EGLN1: variants seen among roughly 807,000 people sequenced by gnomAD.
EGLN1 encodes egl-9 family hypoxia inducible factor 1.
A neutral mutation model predicts 38.3 loss-of-function variants in EGLN1; 17 were observed. The observed-to-expected ratio is 0.44, with a 90% CI of 0.30 to 0.67. EGLN1 has a LOEUF of 0.67. EGLN1 is among the 30% of genes least tolerant of loss of function. The pLI is 0.08. For synonymous variants in EGLN1, 283 were observed against 257.5 expected, an observed-to-expected ratio of 1.10 and a Z score of -0.95; for missense variants, 477 against 603.3, an observed-to-expected ratio of 0.79 and a Z score of 2.19.
intron 1 of EGLN1, among the ~76,000 whole-genome samples, chr1:231,398,525 T>C (rs1688587892): frequency 6.6e-6 from 1 of 152,204 alleles, no homozygotes; most frequent in East Asian, 1.9e-4. Context: ...TGGTCACGTA[T>C]TTCTATGGCT....
chr1:231,373,961 G>T lies in EGLN1; in HGVS notation c.1011+19C>A. On this transcript the variant is annotated intron_variant, in intron 2 of 4. Transcript: ENST00000366641. ...AGACACCTGTAAGAAAAAAATAAAT[G>T]CTCAATTAAGTTGCATACCTTGGCA... 1.9e-6 allele frequency: 3 copies of T among 1,612,828 alleles called. No homozygotes were observed. Among genetic ancestry groups the T allele is most frequent in the Non-Finnish European group, 2.5e-6 (3 of 1,179,208 alleles).
At chr1:231,384,729 T>C (rs767313191) in intron 1 of EGLN1, among the ~76,000 whole-genome samples, 1 of 152,330 alleles carries the variant, frequency 6.6e-6, no homozygotes, top group African/African-American at 2.4e-5. Context: ...GGTAGTCTGG[T>C]TGCCATGTAG....
At chr1:231,389,674 T>C (rs1255151708) in intron 1 of EGLN1, among the ~76,000 whole-genome samples, 4 of 151,796 alleles carry the variant, frequency 2.6e-5, no homozygotes, top group Admixed American at 2.0e-4. Context: ...TCTGACCGGG[T>C]GCGGTGGCTC....
intron 1 of EGLN1, among the ~76,000 whole-genome samples, chr1:231,379,812 T>C (rs1470682328): frequency 6.6e-6 from 1 of 152,196 alleles, no homozygotes; most frequent in Non-Finnish European, 1.5e-5. Flanking sequence ...TTATCCCTCA[T>C]CAACATTATA....
chr1:231,397,906 T>C (rs889355024), intron 1 of EGLN1, among the ~76,000 whole-genome samples: 2 of 152,106 alleles, frequency 1.3e-5, no homozygotes, highest in Non-Finnish European at 2.9e-5. Flanking sequence ...GGAATACTAC[T>C]ACACAGAGGT....
intron 1 of EGLN1, among the ~76,000 whole-genome samples, chr1:231,403,769 A>G (rs1212021182): frequency 7.0e-6 from 1 of 142,026 alleles, no homozygotes; most frequent in African/African-American, 2.7e-5. Context: ...CTCCATCTCA[A>G]AAAAAAAAAA....
At chr1:231,373,078 T>A (rs906461748) in intron 2 of EGLN1, among the ~76,000 whole-genome samples, 11 of 152,284 alleles carry the variant, frequency 7.2e-5, no homozygotes, top group African/African-American at 9.6e-5. Context: ...ACATATTTTT[T>A]AAAAATCATT....
rs533584823 is a variant in EGLN1, at chr1:231,422,267, T to C, written c.-379A>G. On this transcript the variant is annotated 5_prime_UTR_variant, in exon 1 of 5. An upstream start codon of the reference 5' UTR is lost. Transcript: ENST00000366641. ...CCAGGCTGTGGAGGAGCGCAGGGCA[T>C]ACGGGCGCCACTCGCTCTGCGCGCT... The C allele has an allele frequency of 7.7e-5, 12 of 156,766 alleles. No individual in the cohort carries two copies. The South Asian group carries it at 2.2e-3, about 28-fold the overall frequency. The allele number at this position is 156,766 out of a possible 1,614,324, so 9.7% of individuals were successfully genotyped here.
intron 1 of EGLN1, among the ~76,000 whole-genome samples, chr1:231,396,400 C>T (rs920775164): frequency 4.6e-5 from 7 of 151,950 alleles, no homozygotes; most frequent in Admixed American, 1.3e-4. Flanking sequence ...ACCACAGGCA[C>T]GCGCCACCAA....
intron 3 of EGLN1, among the ~76,000 whole-genome samples, chr1:231,368,045 G>A (rs1212609961): frequency 3.9e-5 from 6 of 152,048 alleles, no homozygotes; most frequent in Non-Finnish European, 7.4e-5. Flanking sequence ...AAAATTAGCC[G>A]TGCATGGTGG....
At chr1:231,400,883 C>T (rs1238164380) in intron 1 of EGLN1, among the ~76,000 whole-genome samples, 1 of 152,014 alleles carries the variant, frequency 6.6e-6, no homozygotes, top group African/African-American at 2.4e-5. Context: ...AACCCCATCT[C>T]TACAAATAAT....
chr1:231,373,690 GTGTGTGTGTGTGTA>G (rs753819599), intron 2 of EGLN1, among the ~76,000 whole-genome samples: 80,607 of 148,246 alleles, frequency 0.54, 23,148 homozygotes, highest in Non-Finnish European at 0.65. Flanking sequence ...GTGTGTGTGT[GTGTGTGTGTGTGTA>G]TGTGTGTGTG....
intron 1 of EGLN1, among the ~76,000 whole-genome samples, chr1:231,395,407 A>G (rs1688496933): frequency 2.9e-5 from 3 of 102,464 alleles, no homozygotes; most frequent in Middle Eastern, 5.5e-3. Flanking sequence ...TCCGTTAAGC[A>G]GTAAGAGCCA....
intron 1 of EGLN1, among the ~76,000 whole-genome samples, chr1:231,394,545 A>AT (rs59597792): frequency 0.026 from 3,727 of 141,346 alleles, 62 homozygotes; most frequent in East Asian, 0.052. Flanking sequence ...CGCCCGACTA[A>AT]TTTTTTTTTT....
At chr1:231,407,110 C>T (rs508840) in intron 1 of EGLN1, among the ~76,000 whole-genome samples, 22,686 of 152,060 alleles carry the variant, frequency 0.15, 2,072 homozygotes, top group African/African-American at 0.24. Flanking sequence ...GGTCAAACTG[C>T]CATTTTTGTT....
rs1656638260 is a variant in EGLN1, at chr1:231,421,871, G to A, written c.18C>T (p.Gly6=). 6.7e-7 allele frequency: 1 copy of A among 1,499,304 alleles called. No individual in the cohort carries two copies. The highest frequency in any genetic ancestry group is 1.3e-5 in the South Asian group (1 of 79,888). The allele number at this position is 1,499,304 out of a possible 1,614,324, so 92.9% of individuals were successfully genotyped here. A position where few individuals can be genotyped will look rare whatever the true frequency, so the allele number is the denominator to read the frequency against. ...CGCTCGGGCTCGGCCCGCCGGGCCC[G>A]CCGCTGTCATTGGCCATGGCGGCGG... MANDS[G]GPGGPSPSER... Residue 6 remains glycine (G), a synonymous_variant, in exon 1 of 5, where the codon GGC becomes GGT. Coordinates refer to ENST00000366641, the MANE Select transcript of EGLN1 (RefSeq NM_022051.3). The surrounding 1 kb of genome is among the most constrained non-coding windows in gnomAD (Gnocchi z 5.5).
intron 1 of EGLN1, among the ~76,000 whole-genome samples, chr1:231,403,845 A>G (rs1287523197): frequency 1.3e-5 from 2 of 151,682 alleles, no homozygotes; most frequent in Non-Finnish European, 2.9e-5. Context: ...AGATAACACT[A>G]CAAGTATTTA....
At chr1:231,383,057 C>CAAAAAAAAAAAAAAAAA (rs547747077) in intron 1 of EGLN1, among the ~76,000 whole-genome samples, 1 of 70,562 alleles carries the variant, frequency 1.4e-5, no homozygotes, top group African/African-American at 6.3e-5. Flanking sequence ...AACTCTGTCT[C>CAAAAAAAAAAAAAAAAA]AAAAAAAAAA....
intron 1 of EGLN1, among the ~76,000 whole-genome samples, chr1:231,387,229 A>G (rs1375243372): frequency 3.6e-5 from 4 of 110,116 alleles, no homozygotes; most frequent in African/African-American, 1.2e-4. Context: ...GGCATGCTAT[A>G]TATGTATACA....
Sources: gnomAD v4.1 joint callset for allele counts (sites outside exome capture counted in the v4.1 genomes callset) on GRCh38, gnomAD v4.1.1 for gene constraint, Gnocchi (gnomAD v3.1) non-coding constraint, MANE v1.5 for transcripts, NCBI Gene and HGNC (gene_info 2026-07-23, HGNC 2026-07-21) for gene names.